Variants in NDUFAF5 observed in about 807,000 individuals in gnomAD.
NDUFAF5 encodes arginine-hydroxylase NDUFAF5, mitochondrial.
Under a neutral mutation model 48.9 loss-of-function variants are expected in NDUFAF5, and 34 were observed. The ratio of observed to expected loss-of-function variants is 0.70; its 90% CI spans 0.53 to 0.93. NDUFAF5 has a LOEUF of 0.93. Ranked by LOEUF, NDUFAF5 falls within the 40% of genes least tolerant of loss-of-function variation. The pLI is 0.00. For synonymous variants in NDUFAF5, 153 were observed against 150.6 expected, an observed-to-expected ratio of 1.02 and a Z score of -0.12; for missense variants, 428 against 427.5, an observed-to-expected ratio of 1.00 and a Z score of -0.01.
At chr20:13,791,597 G>T (rs1193652938) in intron 3 of NDUFAF5, among the ~76,000 whole-genome samples, 1 of 152,168 alleles carries the variant, frequency 6.6e-6, no homozygotes, top group Non-Finnish European at 1.5e-5. Flanking sequence ...TCTTAGTAAG[G>T]TATCTTTTGA....
intron 7 of NDUFAF5, among the ~76,000 whole-genome samples, chr20:13,805,524 CTTTAG>C (rs1390843792): frequency 2.6e-5 from 4 of 152,030 alleles, no homozygotes; most frequent in Non-Finnish European, 4.4e-5. Context: ...GTAGAATCTT[CTTTAG>C]TTTATACAAT....
chr20:13,802,144 G>C (rs1436578886), intron 7 of NDUFAF5, among the ~76,000 whole-genome samples: 1 of 152,062 alleles, frequency 6.6e-6, no homozygotes, highest in Non-Finnish European at 1.5e-5. Context: ...GTGAGATCAA[G>C]GCTAAAGAAG....
rs1600396400 is a variant in NDUFAF5 at position 13,816,615 on chromosome 20, C to T, written c.862+69C>T. The T allele has an allele frequency of 1.6e-5, 20 of 1,256,704 alleles. No individual in the cohort carries two copies. The East Asian group carries it at 2.8e-4, about 18-fold the overall frequency. The allele number at this position is 1,256,704 out of a possible 1,614,324, so 77.8% of individuals were successfully genotyped here. A position where few individuals can be genotyped will look rare whatever the true frequency, so the allele number is the denominator to read the frequency against. On this transcript the variant is annotated intron_variant, in intron 9 of 10. Coordinates refer to ENST00000378106, the MANE Select transcript of NDUFAF5 (RefSeq NM_024120.5). Reference sequence around the variant, plus strand: ...TGCTGTATCATGTTGATTCCCTTCACGTTGCCAATGCATTTTCCATTCCTG... The same window carrying T: ...TGCTGTATCATGTTGATTCCCTTCATGTTGCCAATGCATTTTCCATTCCTG...
chr20:13,814,181 A>G, intron 8 of NDUFAF5: 1 of 330,656 alleles, frequency 3.0e-6, no homozygotes, highest in Non-Finnish European at 6.0e-6. Context: ...CCTGATTTGT[A>G]TGCTGAAATC....
At chr20:13,790,690 T>A (rs1982137159) in intron 3 of NDUFAF5, among the ~76,000 whole-genome samples, 1 of 152,218 alleles carries the variant, frequency 6.6e-6, no homozygotes, top group Admixed American at 6.5e-5. Flanking sequence ...TCTGTTTTTT[T>A]ATCATGTCTC....
In NDUFAF5 at chr20:13,785,293, G is replaced by A; in HGVS notation, c.222+3G>A. ...AATTTGACTACCTGAAGGAGGAGGTGAGCCCGCGGGGCGGCGGGGCGGCGG... is the reference window on the plus strand; with the variant it reads ...AATTTGACTACCTGAAGGAGGAGGTAAGCCCGCGGGGCGGCGGGGCGGCGG... On this transcript the variant is annotated splice_donor_region_variant and intron_variant, in intron 1 of 10. Coordinates refer to ENST00000378106, the MANE Select transcript of NDUFAF5 (RefSeq NM_024120.5). 3 of 1,597,998 alleles carry A rather than the reference G, an allele frequency of 1.9e-6. No individual in the cohort carries two copies. The highest frequency in any genetic ancestry group is 2.6e-6 in the Non-Finnish European group (3 of 1,170,948).
chr20:13,786,223 C>CAG (rs1466990583), intron 1 of NDUFAF5, among the ~76,000 whole-genome samples: 3 of 152,314 alleles, frequency 2.0e-5, no homozygotes. Flanking sequence ...ATAGCTTGAG[C>CAG]AGAGCTCTGT....
At position 13,794,866 on chromosome 20, in the gene NDUFAF5, C is replaced by T. The variant is rs758813245; in HGVS notation, c.404C>T (p.Thr135Ile). ...LKNSSETEIPTVSVLADEEFL... is the reference protein window; with the variant it reads ...LKNSSETEIPIVSVLADEEFL... Reference sequence around the variant, plus strand: ...AATTCCTCAGAAACAGAAATACCTACTGTCAGCGTTTTAGCTGATGAAGAA... The same window carrying T: ...AATTCCTCAGAAACAGAAATACCTATTGTCAGCGTTTTAGCTGATGAAGAA... Residue 135 changes from threonine (T) to isoleucine (I), a missense_variant, in exon 5 of 11, where the codon ACT becomes ATT. By Grantham distance (89) the Thr-to-Ile change is moderately conservative (BLOSUM62 -1). Transcript: ENST00000378106. The T allele has an allele frequency of 3.1e-6, 5 of 1,611,832 alleles. No homozygotes were observed. The highest frequency in any genetic ancestry group is 2.2e-5 in the East Asian group (1 of 44,878).
chr20:13,812,232 G>A (rs1176529788), intron 8 of NDUFAF5, among the ~76,000 whole-genome samples: 2 of 152,138 alleles, frequency 1.3e-5, no homozygotes, highest in Non-Finnish European at 2.9e-5. Flanking sequence ...CTCTGCAAAC[G>A]GAAAGATGCG....
chr20:13,816,291 G>C lies in NDUFAF5; in HGVS notation c.779-172G>C. 3 of 678,140 alleles carry C rather than the reference G, an allele frequency of 4.4e-6. No homozygotes were observed. In the South Asian group the frequency reaches 4.7e-5, roughly 11 times the overall value. The allele number at this position is 678,140 out of a possible 1,614,324, so 42.0% of individuals were successfully genotyped here. A position where few individuals can be genotyped will look rare whatever the true frequency, so the allele number is the denominator to read the frequency against. ...AAAAGTTTCAAGTAGTTTCGCTTTAGAGTCACTAAGAAACCCAGTTATAAT... is the reference window on the plus strand; with the variant it reads ...AAAAGTTTCAAGTAGTTTCGCTTTACAGTCACTAAGAAACCCAGTTATAAT... On this transcript the variant is annotated intron_variant, in intron 8 of 10. Coordinates refer to ENST00000378106, the MANE Select transcript of NDUFAF5 (RefSeq NM_024120.5).
At position 13,818,217 on chromosome 20, in the gene NDUFAF5, T is replaced by C. The variant is rs1439933564; in HGVS notation, c.*1007T>C. On this transcript the variant is annotated 3_prime_UTR_variant, in exon 11 of 11. Coordinates refer to ENST00000378106, the MANE Select transcript of NDUFAF5 (RefSeq NM_024120.5). Reference sequence around the variant, plus strand: ...AGCCTGTACGTAGCACATGGGACTTTCCACATAGTAGATATTCAGTTACAT... The same window carrying C: ...AGCCTGTACGTAGCACATGGGACTTCCCACATAGTAGATATTCAGTTACAT... 1.5e-5 allele frequency: 7 copies of C among 454,002 alleles called. No homozygotes were observed. The highest frequency in any genetic ancestry group is 6.9e-5 in the East Asian group (1 of 14,408). The allele number at this position is 454,002 out of a possible 1,614,324, so 28.1% of individuals were successfully genotyped here.
In NDUFAF5 at chr20:13,820,956, T is replaced by G. The variant is rs1251712409; in HGVS notation, c.*3746T>G. 6.6e-6 allele frequency: 1 copy of G among 152,198 alleles called. No individual in the cohort carries two copies. Among genetic ancestry groups the G allele is most frequent in the African/African-American group, 2.4e-5 (1 of 41,446 alleles). The allele number at this position is 152,198 out of a possible 1,614,324, so 9.4% of individuals were successfully genotyped here. ...GATGTGAAATTAATCTTCAGGAAAT[T>G]TATCATAAGCAGACTTGCCTTTTCA... On this transcript the variant is annotated 3_prime_UTR_variant, in exon 11 of 11. Transcript: ENST00000378106.
At chr20:13,788,373 G>C (rs550117923) in intron 2 of NDUFAF5, among the ~76,000 whole-genome samples, 1 of 152,180 alleles carries the variant, frequency 6.6e-6, no homozygotes, top group Non-Finnish European at 1.5e-5. Context: ...CTGGTGGAAA[G>C]CTGGCTCATC....
chr20:13,812,502 T>C (rs1985997232), intron 8 of NDUFAF5, among the ~76,000 whole-genome samples: 1 of 152,240 alleles, frequency 6.6e-6, no homozygotes, highest in Non-Finnish European at 1.5e-5. Flanking sequence ...TTTGTTCTGC[T>C]GTAGAATCTG....
At chr20:13,812,711 A>G (rs948990642) in intron 8 of NDUFAF5, among the ~76,000 whole-genome samples, 3 of 152,170 alleles carry the variant, frequency 2.0e-5, no homozygotes, top group Admixed American at 6.5e-5. Context: ...TATCTTGTCC[A>G]TGGTCACACT....
At chr20:13,814,603 C>A (rs1986249553) in intron 8 of NDUFAF5, 21 of 643,658 alleles carry the variant, frequency 3.3e-5, no homozygotes, top group South Asian at 3.0e-4. Flanking sequence ...AGCAGTTGAA[C>A]TTCACCTTAA....
intron 6 of NDUFAF5, 150 bp downstream of exon 6, chr20:13,798,650 T>C (rs1028016299): frequency 2.9e-6 from 2 of 695,264 alleles, no homozygotes; most frequent in African/African-American, 3.5e-5. Flanking sequence ...TTTGGCATAT[T>C]AGTAGTACAT....
chr20:13,816,133 G>T (rs538922187), intron 8 of NDUFAF5: 2 of 392,762 alleles, frequency 5.1e-6, no homozygotes, highest in East Asian at 5.9e-5. Context: ...TAAAGTTCTT[G>T]CCAATTGCTG....
intron 8 of NDUFAF5, chr20:13,814,242 CAT>C: frequency 2.8e-6 from 1 of 359,342 alleles, no homozygotes; most frequent in South Asian, 2.1e-5. Context: ...TGGGAAGAAG[CAT>C]AGTCAGGGGA....
Sources: allele counts gnomAD v4.1 joint callset (sites outside exome capture counted in the v4.1 genomes callset), GRCh38; gene constraint gnomAD v4.1.1; transcripts MANE v1.5; gene names NCBI Gene and HGNC (gene_info 2026-07-23, HGNC 2026-07-21).